Variants in NUDT2 observed in about 807,000 individuals in gnomAD.
The protein encoded by NUDT2 is bis(5'-nucleosyl)-tetraphosphatase [asymmetrical].
In NUDT2, 12 loss-of-function variants were observed where a neutral mutation model predicts 14.2. The observed-to-expected ratio is 0.84, with a 90% confidence interval of 0.54 to 1.37. NUDT2 has a LOEUF of 1.37. Ranked by LOEUF, NUDT2 falls within the 40% of genes most tolerant of loss-of-function variation. The pLI is 0.00. For synonymous variants in NUDT2, 67 were observed against 67.4 expected (o/e 0.99, Z 0.03); for missense variants, 167 against 176.7 (o/e 0.95, Z 0.31).
At chr9:34,334,745 C>T (rs1177975892) in intron 1 of NUDT2, among the ~76,000 whole-genome samples, 1 of 152,168 alleles carries the variant, frequency 6.6e-6, no homozygotes, top group Non-Finnish European at 1.5e-5. Context: ...CTGTCTCTTC[C>T]CTGCCAGAGG....
intron 4 of NUDT2, among the ~76,000 whole-genome samples, chr9:34,341,914 T>A (rs1352213681): frequency 6.6e-6 from 1 of 152,164 alleles, no homozygotes; most frequent in Non-Finnish European, 1.5e-5. Context: ...GAGTTCCTGC[T>A]CGCCATGAGC....
At chr9:34,335,221 C>T (rs2131855768) in intron 1 of NUDT2, among the ~76,000 whole-genome samples, 1 of 152,304 alleles carries the variant, frequency 6.6e-6, no homozygotes, top group East Asian at 1.9e-4. Context: ...TCATGAGTTC[C>T]AGTTGTCCTT....
At chr9:34,340,295 T>C (rs752793383) in intron 4 of NUDT2, among the ~76,000 whole-genome samples, 13 of 152,164 alleles carry the variant, frequency 8.5e-5, no homozygotes, top group South Asian at 2.1e-4. Context: ...CTGAACATAG[T>C]TGTATTTTGA....
rs1467684298 is a variant in NUDT2 at position 34,343,238 on chromosome 9, A to G, written c.242A>G (p.Asn81Ser). 3.7e-6 allele frequency: 6 copies of G among 1,614,004 alleles called. No homozygotes were observed. Among genetic ancestry groups the G allele is most frequent in the South Asian group, 2.2e-5 (2 of 91,078 alleles). The change falls in exon 5 of 5, where the codon AAT becomes AGT. Residue 81 changes from asparagine to serine, a missense_variant. Transcript: ENST00000379158. The part of the protein sequence containing the change: ...TIIEGFKREL[N>S]YVARNKPKTV... ...ATTGAGGGGTTCAAAAGGGAACTCA[A>G]TTATGTGGCCAGGAACAAGCCTAAA...
intron 1 of NUDT2, among the ~76,000 whole-genome samples, chr9:34,330,269 G>A (rs1383878396): frequency 6.6e-6 from 1 of 152,206 alleles, no homozygotes; most frequent in Non-Finnish European, 1.5e-5. Flanking sequence ...GCCAGGCGTC[G>A]TGGCGGGCAC....
chr9:34,335,880 T>A (rs1200129528), intron 1 of NUDT2, among the ~76,000 whole-genome samples: 1 of 152,104 alleles, frequency 6.6e-6, no homozygotes, highest in Non-Finnish European at 1.5e-5. Context: ...TCCCCAGTGG[T>A]TCCATGTGGC....
chr9:34,341,135 T>C (rs763117980), intron 4 of NUDT2, among the ~76,000 whole-genome samples: 3 of 152,226 alleles, frequency 2.0e-5, no homozygotes, highest in Admixed American at 6.5e-5. Context: ...TCACAAATAC[T>C]ATGAATAGGA....
Position 34,343,333 on chromosome 9 carries a change from GCCTACC to G in NUDT2, c.338_343del (p.Ala113_Arg115delinsGly). 6.2e-7 allele frequency: 1 copy of G among 1,613,790 alleles called. No homozygotes were observed. Among genetic ancestry groups the G allele is most frequent in the Non-Finnish European group, 8.5e-7 (1 of 1,179,966 alleles). On this transcript the variant is annotated inframe_deletion, in exon 5 of 5. Transcript: ENST00000379158. The stretch of plus-strand genomic sequence containing the variant: ...GATCCGCCTCTCCCATGAGCACCAA[GCCTACC>G]GCTGGCTGGGGCTGGAGGAGGCCTG...
chr9:34,341,410 CCTGT>C (rs1405362092), intron 4 of NUDT2, among the ~76,000 whole-genome samples: 4 of 152,220 alleles, frequency 2.6e-5, no homozygotes, highest in Non-Finnish European at 4.4e-5. Flanking sequence ...TGATGCATTA[CCTGT>C]CTGTCTTTGT....
intron 2 of NUDT2, among the ~76,000 whole-genome samples, chr9:34,336,780 G>A (rs1838099232): frequency 6.6e-6 from 1 of 152,010 alleles, no homozygotes; most frequent in Non-Finnish European, 1.5e-5. Flanking sequence ...CTGGGCTCAG[G>A]CAATCCTCCT....
chr9:34,338,495 T>TAG (rs1176197311), intron 2 of NUDT2, among the ~76,000 whole-genome samples: 2 of 147,068 alleles, frequency 1.4e-5, no homozygotes, highest in African/African-American at 5.1e-5. Flanking sequence ...TCAACAGTGC[T>TAG]AGACCCTGTC....
intron 2 of NUDT2, among the ~76,000 whole-genome samples, chr9:34,337,890 T>G (rs1838130570): frequency 6.6e-6 from 1 of 151,460 alleles, no homozygotes; most frequent in Admixed American, 6.6e-5. Context: ...CAAGCTGGAG[T>G]GCAGTGGCCC....
chr9:34,343,623 G>A lies in NUDT2; in HGVS notation c.*183G>A, dbSNP rs1820253842. On this transcript the variant is annotated 3_prime_UTR_variant, in exon 5 of 5. Transcript: ENST00000379158. Reference sequence around the variant, plus strand: ...AAATCTTGGCTGGGTGGAAAGGAAGGCAAAAGAGTAAAAATTAAAAAGGCC... The same window carrying A: ...AAATCTTGGCTGGGTGGAAAGGAAGACAAAAGAGTAAAAATTAAAAAGGCC... 1 of 556,540 alleles carries A rather than the reference G, an allele frequency of 1.8e-6. No individual in the cohort carries two copies. The highest frequency in any genetic ancestry group is 2.9e-5 in the South Asian group (1 of 34,208). The allele number at this position is 556,540 out of a possible 1,614,324, so 34.5% of individuals were successfully genotyped here.
intron 4 of NUDT2, 34 bp from the exon 5 acceptor site, chr9:34,343,090 C>T: frequency 6.5e-7 from 1 of 1,539,560 alleles, no homozygotes. Flanking sequence ...TGGAAGATTT[C>T]CTCCTCCTTT....
intron 4 of NUDT2, among the ~76,000 whole-genome samples, chr9:34,340,837 T>C (rs1331033558): frequency 1.3e-5 from 2 of 152,168 alleles, no homozygotes; most frequent in Non-Finnish European, 2.9e-5. Context: ...TTAAATTATT[T>C]TGTTATTATT....
chr9:34,333,832 T>C (rs1315520699), intron 1 of NUDT2, among the ~76,000 whole-genome samples: 1 of 152,140 alleles, frequency 6.6e-6, no homozygotes, highest in African/African-American at 2.4e-5. Context: ...TGAAATCCCA[T>C]CCTTTACAGG....
In NUDT2 at chr9:34,343,578, T is replaced by A; in HGVS notation, c.*138T>A. The A allele has an allele frequency of 3.8e-6, 3 of 779,536 alleles. No homozygotes were observed. The highest frequency in any genetic ancestry group is 2.3e-5 in the South Asian group (1 of 42,896). 48.3% of individuals were successfully genotyped at this position (779,536 alleles called of 1,614,324 possible). A position where few individuals can be genotyped will look rare whatever the true frequency, so the allele number is the denominator to read the frequency against. ...AGCAGATTTGTGAAATCGGCTCAACTCCCAGGTGAGAGCAAGCAAAAATCT... is the reference window on the plus strand; with the variant it reads ...AGCAGATTTGTGAAATCGGCTCAACACCCAGGTGAGAGCAAGCAAAAATCT... On this transcript the variant is annotated 3_prime_UTR_variant, in exon 5 of 5. Transcript: ENST00000379158.
chr9:34,334,660 G>C (rs1197509109), intron 1 of NUDT2, among the ~76,000 whole-genome samples: 1 of 152,218 alleles, frequency 6.6e-6, no homozygotes, highest in Non-Finnish European at 1.5e-5. Context: ...GGGAGGTGGG[G>C]AGAGAGTTCT....
chr9:34,341,389 C>T (rs893113592), intron 4 of NUDT2, among the ~76,000 whole-genome samples: 2 of 152,226 alleles, frequency 1.3e-5, no homozygotes, highest in African/African-American at 4.8e-5. Context: ...ATCCCTCCCA[C>T]CTTGCTCCCC....
Sources: gnomAD v4.1 joint callset for allele counts (sites outside exome capture counted in the v4.1 genomes callset) on GRCh38, gnomAD v4.1.1 for gene constraint, MANE v1.5 for transcripts, NCBI Gene and HGNC (gene_info 2026-07-23, HGNC 2026-07-21) for gene names.